DAB1: variants seen among roughly 807,000 people sequenced by gnomAD.
DAB1 encodes the protein disabled homolog 1.
A neutral mutation model predicts 64.6 loss-of-function variants in DAB1; 15 were observed. The observed-to-expected ratio is 0.23, with a 90% confidence interval of 0.16 to 0.36. DAB1 has a LOEUF of 0.36. DAB1 is among the 10% of genes least tolerant of loss of function. The pLI is 1.00. For missense variants in DAB1, 596 were observed against 706.7 expected, an observed-to-expected ratio of 0.84 and a Z score of 1.78; for synonymous variants, 235 against 251.9, an observed-to-expected ratio of 0.93 and a Z score of 0.64.
chr1:57,826,524 T>C (rs959933166), intron 1 of DAB1: 1 of 152,096 alleles, frequency 6.6e-6, no homozygotes, highest in South Asian at 2.1e-4. Flanking sequence ...GCAGAGATAG[T>C]GGGGAGGGGC....
intron 7 of DAB1, among the ~76,000 whole-genome samples, chr1:57,645,576 A>G: frequency 6.6e-6 from 1 of 152,236 alleles, no homozygotes; most frequent in East Asian, 1.9e-4. Context: ...TATTATGAGC[A>G]GTAATAACTG....
At chr1:57,875,388 T>C (rs1022639057) in intron 1 of DAB1, among the ~76,000 whole-genome samples, 1 of 152,154 alleles carries the variant, frequency 6.6e-6, no homozygotes, top group African/African-American at 2.4e-5. Context: ...ATTTCTACCT[T>C]GCTCTACGAC....
At chr1:58,010,929 C>G (rs1468192253) in intron 5 of DAB1, among the ~76,000 whole-genome samples, 1 of 152,240 alleles carries the variant, frequency 6.6e-6, no homozygotes, top group Non-Finnish European at 1.5e-5. Flanking sequence ...ATTTGCTATC[C>G]TAGTGTCAAG....
intron 1 of DAB1, among the ~76,000 whole-genome samples, chr1:57,401,313 C>G (rs1412598461): frequency 1.3e-5 from 2 of 152,150 alleles, no homozygotes; most frequent in Non-Finnish European, 2.9e-5. Flanking sequence ...TATAACATCT[C>G]TAAAATGCAA....
intron 1 of DAB1, among the ~76,000 whole-genome samples, chr1:57,323,670 C>T (rs115279930): frequency 0.02 from 2,985 of 152,118 alleles, 88 homozygotes; most frequent in African/African-American, 0.06. Context: ...GGTGTCCAGC[C>T]TACTGCAGAT....
Position 57,452,157 on chromosome 1 carries a change from G to GCCCC in DAB1, n.626-160992_626-160991insGGGG, listed in dbSNP as rs1477319468. 2.4e-4 allele frequency among the ~76,000 whole-genome samples: 27 copies of GCCCC among 110,232 alleles called. 1 individual carries two copies. The highest frequency in any genetic ancestry group is 9.8e-4 in the African/African-American group (25 of 25,596). 72.3% of individuals were successfully genotyped at this position (110,232 alleles called of 152,430 possible). A position where few individuals can be genotyped will look rare whatever the true frequency, so the allele number is the denominator to read the frequency against. On this transcript the variant is annotated intron_variant and non_coding_transcript_variant, in intron 7 of 20. Coordinates refer to the DAB1 transcript ENST00000485760. ...AGAGCTTAGGATTTAGTCTCTCTCT[G>GCCCC]CACCCCCCCTTTTTTTTTTTTTTTT...
chr1:57,371,666 A>G (rs762901925), intron 1 of DAB1, among the ~76,000 whole-genome samples: 4 of 152,240 alleles, frequency 2.6e-5, no homozygotes, highest in Non-Finnish European at 5.9e-5. Context: ...AAGTCAATAT[A>G]GGAACAAGTA....
chr1:57,300,174 T>A (rs973426729), intron 1 of DAB1, among the ~76,000 whole-genome samples: 2 of 152,200 alleles, frequency 1.3e-5, no homozygotes, highest in African/African-American at 4.8e-5. Flanking sequence ...ATTCACTGAT[T>A]CATTGAACAA....
At chr1:57,346,334 A>G (rs1180641664) in intron 1 of DAB1, among the ~76,000 whole-genome samples, 2 of 152,204 alleles carry the variant, frequency 1.3e-5, no homozygotes, top group Non-Finnish European at 2.9e-5. Context: ...TTTTACTTGA[A>G]GATTCCTCAA....
chr1:58,137,532 T>C (rs911121940), intron 5 of DAB1, among the ~76,000 whole-genome samples: 3 of 152,170 alleles, frequency 2.0e-5, no homozygotes, highest in African/African-American at 7.2e-5. Context: ...ACCACCCCCA[T>C]CCATCCATCG....
intron 1 of DAB1, among the ~76,000 whole-genome samples, chr1:57,863,466 G>A (rs1654157982): frequency 6.6e-6 from 1 of 152,140 alleles, no homozygotes; most frequent in Non-Finnish European, 1.5e-5. Context: ...AAAAGTCTTG[G>A]TGGAAAAGTG....
chr1:58,539,974 C>T (rs528700109), intron 1 of DAB1, among the ~76,000 whole-genome samples: 34 of 152,270 alleles, frequency 2.2e-4, no homozygotes, highest in Non-Finnish European at 4.0e-4. Flanking sequence ...GAATCCCCCT[C>T]CCATATTCAG....
chr1:57,448,629 A>G (rs1435663874), intron 7 of DAB1, among the ~76,000 whole-genome samples: 1 of 152,192 alleles, frequency 6.6e-6, no homozygotes, highest in East Asian at 1.9e-4. Flanking sequence ...TAAATTCTTG[A>G]TCAAGACATT....
chr1:57,701,819 T>C (rs1244002616), intron 6 of DAB1, among the ~76,000 whole-genome samples: 2 of 152,142 alleles, frequency 1.3e-5, no homozygotes, highest in Admixed American at 1.3e-4. Flanking sequence ...GTTCAGCAAA[T>C]ACATTTCTTA....
intron 7 of DAB1, among the ~76,000 whole-genome samples, chr1:57,601,827 T>C (rs938534631): frequency 2.0e-5 from 3 of 152,180 alleles, no homozygotes; most frequent in African/African-American, 7.2e-5. Context: ...TATTTTTGTG[T>C]GTGTGTGTGT....
intron 11 of DAB1, among the ~76,000 whole-genome samples, chr1:57,020,842 T>C (rs1646591962): frequency 6.6e-6 from 1 of 152,052 alleles, no homozygotes; most frequent in Non-Finnish European, 1.5e-5. Flanking sequence ...ACTCTGACTC[T>C]GACAGGTCAA....
At chr1:57,454,748 G>C (rs1040927791) in intron 7 of DAB1, among the ~76,000 whole-genome samples, 1 of 151,986 alleles carries the variant, frequency 6.6e-6, no homozygotes, top group African/African-American at 2.4e-5. Flanking sequence ...TAGACCGGGA[G>C]GAAAAGTTAC....
At chr1:58,097,946 G>A (rs1247526612) in intron 5 of DAB1, among the ~76,000 whole-genome samples, 1 of 152,148 alleles carries the variant, frequency 6.6e-6, no homozygotes. Flanking sequence ...TTCCTCTCAG[G>A]ATTCCCACGG....
intron 3 of DAB1, among the ~76,000 whole-genome samples, chr1:58,486,518 C>A (rs780266061): frequency 6.6e-6 from 1 of 152,136 alleles, no homozygotes; most frequent in Non-Finnish European, 1.5e-5. Flanking sequence ...GCTTATCCTG[C>A]CTATTATTAC....
Sources: gnomAD v4.1 joint callset for allele counts (sites outside exome capture counted in the v4.1 genomes callset) on GRCh38, gnomAD v4.1.1 for gene constraint, MANE v1.5 for transcripts, NCBI Gene and HGNC (gene_info 2026-07-23, HGNC 2026-07-21) for gene names.